Variants in RAP1GAP2 observed in about 807,000 individuals in gnomAD.
The protein encoded by RAP1GAP2 is rap1 GTPase-activating protein 2.
RAP1GAP2 carries 27 observed loss-of-function variants against 95.0 expected under a neutral mutation model. The ratio of observed to expected loss-of-function variants is 0.28; its 90% confidence interval spans 0.21 to 0.39. The LOEUF (loss-of-function observed/expected upper bound fraction) is 0.39, where lower values mean the gene tolerates loss of function less well. Among genes scored for constraint, RAP1GAP2 ranks in the 10% least tolerant of loss-of-function variants. The pLI, the probability that RAP1GAP2 is intolerant of heterozygous loss-of-function variation, is 1.00. For synonymous variants in RAP1GAP2, 373 were observed against 380.9 expected, an observed-to-expected ratio of 0.98 and a Z score of 0.24; for missense variants, 771 against 970.0, an observed-to-expected ratio of 0.79 and a Z score of 2.72.
chr17:2,916,221 C>T (rs965716707), intron 3 of RAP1GAP2, among the ~76,000 whole-genome samples: 1 of 152,162 alleles, frequency 6.6e-6, no homozygotes, highest in African/African-American at 2.4e-5. Flanking sequence ...TTTATTGTCT[C>T]TCCAACCATG....
chr17:2,838,016 CTTTT>C (rs71153304), intron 2 of RAP1GAP2, among the ~76,000 whole-genome samples: 5 of 94,438 alleles, frequency 5.3e-5, no homozygotes, highest in African/African-American at 1.8e-4. Flanking sequence ...TTCTTTTTTC[CTTTT>C]TTTTTTTTTT....
chr17:2,805,857 C>T (rs781210385), intron 2 of RAP1GAP2, among the ~76,000 whole-genome samples: 35 of 152,096 alleles, frequency 2.3e-4, no homozygotes, highest in Non-Finnish European at 4.3e-4. Context: ...GGAGTGAGCA[C>T]GTGAATGGTT....
chr17:2,833,182 T>G (rs1204339448), intron 2 of RAP1GAP2, among the ~76,000 whole-genome samples: 5 of 149,448 alleles, frequency 3.3e-5, no homozygotes, highest in Non-Finnish European at 7.4e-5. Context: ...TTGCTCTGTC[T>G]CCCAGGCTGG....
At chr17:2,830,967 TCCCTC>T (rs1427602214) in intron 2 of RAP1GAP2, among the ~76,000 whole-genome samples, 2 of 40,510 alleles carry the variant, frequency 4.9e-5, no homozygotes, top group African/African-American at 9.8e-5. Context: ...CCCCTCCCCT[TCCCTC>T]CCTTCCCCTA....
chr17:2,839,460 A>T (rs535081851), intron 2 of RAP1GAP2, among the ~76,000 whole-genome samples: 1 of 152,328 alleles, frequency 6.6e-6, no homozygotes, highest in South Asian at 2.1e-4. Context: ...TCCATTTGCT[A>T]TAATTAACAT....
At chr17:2,925,706 G>T (rs562753800) in intron 3 of RAP1GAP2, among the ~76,000 whole-genome samples, 1 of 152,182 alleles carries the variant, frequency 6.6e-6, no homozygotes, top group Non-Finnish European at 1.5e-5. Flanking sequence ...CATCCTTGAA[G>T]GAGCTCAGAG....
chr17:2,767,959 C>G (rs1464350349), intron 1 of RAP1GAP2, among the ~76,000 whole-genome samples: 1 of 152,128 alleles, frequency 6.6e-6, no homozygotes, highest in African/African-American at 2.4e-5. Flanking sequence ...GTTTCAATCT[C>G]CTGACCTCGT....
At chr17:2,922,916 T>C (rs1020093687) in intron 3 of RAP1GAP2, among the ~76,000 whole-genome samples, 2 of 151,286 alleles carry the variant, frequency 1.3e-5, no homozygotes, top group Non-Finnish European at 2.9e-5. Context: ...TACCTTGGCT[T>C]GTGGCACGAC....
intron 2 of RAP1GAP2, among the ~76,000 whole-genome samples, chr17:2,896,674 G>A (rs994728345): frequency 5.3e-5 from 8 of 152,330 alleles, no homozygotes; most frequent in Admixed American, 1.3e-4. Flanking sequence ...CCAACCACAG[G>A]GCTGTGGAGG....
intron 3 of RAP1GAP2, among the ~76,000 whole-genome samples, chr17:2,927,167 T>G (rs1178336786): frequency 6.6e-6 from 1 of 151,748 alleles, no homozygotes; most frequent in East Asian, 2.0e-4. Context: ...AAGTCTTTTT[T>G]TTTTTAGACA....
intron 10 of RAP1GAP2, among the ~76,000 whole-genome samples, chr17:2,981,832 C>T (rs2045369738): frequency 6.6e-6 from 1 of 152,312 alleles, no homozygotes. Flanking sequence ...AATAAACCCA[C>T]TGAGGAATAA....
rs891194386 is a variant in RAP1GAP2, at chr17:2,980,312, C to T, written c.622C>T (p.Arg208Trp). ...GTCCAAACTGAAGACGGTACATGAG[C>T]GGATCCCCTTGGCTGGACTGAGCAA... Reference protein sequence around the residue: ...LRSKLKTVHERIPLAGLSKLP... With the variant: ...LRSKLKTVHEWIPLAGLSKLP... Residue 208 changes from arginine (R) to tryptophan (W), a missense_variant, in exon 9 of 25, where the codon CGG becomes TGG. Physicochemically the swap from Arg to Trp is moderately radical, Grantham distance 101. Coordinates refer to ENST00000254695, the MANE Select transcript of RAP1GAP2 (RefSeq NM_015085.5). The T allele has an allele frequency of 2.5e-6, 4 of 1,613,878 alleles. No individual in the cohort carries two copies. Among genetic ancestry groups the T allele is most frequent in the East Asian group, 2.2e-5 (1 of 44,842 alleles).
intron 2 of RAP1GAP2, among the ~76,000 whole-genome samples, chr17:2,836,632 AAAAACAAAAC>A (rs139693633): frequency 0.15 from 23,256 of 151,880 alleles, 1,913 homozygotes; most frequent in Middle Eastern, 0.19. Context: ...ACTCAGTCTC[AAAAACAAAAC>A]AAAACAAAAC....
chr17:2,890,770 C>T (rs1028416628), intron 2 of RAP1GAP2, among the ~76,000 whole-genome samples: 65 of 151,352 alleles, frequency 4.3e-4, no homozygotes, highest in African/African-American at 1.4e-3. Context: ...CTGCAAGCTC[C>T]GCCTCCTGGG....
chr17:2,918,432 CAAAAAAAAA>C (rs533808717), intron 3 of RAP1GAP2, among the ~76,000 whole-genome samples: 3 of 65,424 alleles, frequency 4.6e-5, no homozygotes, highest in African/African-American at 1.6e-4. Flanking sequence ...GACTCCATCT[CAAAAAAAAA>C]AAAAAAAAAA....
At chr17:2,762,895 C>T (rs921737728) in intron 1 of RAP1GAP2, among the ~76,000 whole-genome samples, 2 of 151,940 alleles carry the variant, frequency 1.3e-5, no homozygotes, top group Non-Finnish European at 2.9e-5. Flanking sequence ...ACGCTGGTCT[C>T]GAACTCCCGG....
chr17:2,995,158 G>A (rs149454123), intron 12 of RAP1GAP2, among the ~76,000 whole-genome samples, 179 bp from the exon 13 acceptor site: 1 of 152,152 alleles, frequency 6.6e-6, no homozygotes. Flanking sequence ...TGCCAGCGCT[G>A]ATATACCTGG....
At chr17:2,932,284 G>A (rs1258722170) in intron 3 of RAP1GAP2, among the ~76,000 whole-genome samples, 7 of 152,008 alleles carry the variant, frequency 4.6e-5, no homozygotes, top group Non-Finnish European at 7.4e-5. Flanking sequence ...GTGTGGGAGC[G>A]GCCAAGTTCT....
At chr17:2,787,668 C>T (rs1022337825) in intron 1 of RAP1GAP2, among the ~76,000 whole-genome samples, 4 of 151,916 alleles carry the variant, frequency 2.6e-5, no homozygotes, top group East Asian at 1.9e-4. Context: ...CCCAGGTTCA[C>T]GCAATTCTCC....
Sources: allele counts gnomAD v4.1 joint callset (sites outside exome capture counted in the v4.1 genomes callset), GRCh38; gene constraint gnomAD v4.1.1; transcripts MANE v1.5; gene names NCBI Gene and HGNC (gene_info 2026-07-23, HGNC 2026-07-21).